SSH2: variants seen among roughly 807,000 people sequenced by gnomAD.
The protein encoded by SSH2 is slingshot protein phosphatase 2.
A neutral mutation model predicts 135.2 loss-of-function variants in SSH2; 37 were observed. The ratio of observed to expected loss-of-function variants is 0.27; its 90% CI spans 0.21 to 0.36. The LOEUF is 0.36. Among genes scored for constraint, SSH2 ranks in the 10% least tolerant of loss-of-function variants. The pLI, the probability that SSH2 is intolerant of heterozygous loss-of-function variation, is 1.00. For synonymous variants in SSH2, 628 were observed against 646.2 expected (o/e 0.97, Z 0.43); for missense variants, 1,408 against 1,765.3 (o/e 0.80, Z 3.63).
chr17:29,632,730 T>C lies in SSH2; in HGVS notation c.2464A>G (p.Thr822Ala), dbSNP rs1482851397. The C allele has an allele frequency of 1.9e-6, 3 of 1,613,948 alleles. No individual in the cohort carries two copies. Among genetic ancestry groups the C allele is most frequent in the Non-Finnish European group, 2.5e-6 (3 of 1,180,004 alleles). The change falls in exon 16 of 16, where the codon ACT becomes GCT. Residue 822 changes from threonine (T) to alanine (A), a missense_variant. This residue lies in a region of SSH2 where 1,080 missense variants were observed against 1,144.5 expected (regional missense o/e 0.94). Transcript: ENST00000540801. ...ATATGTCCAGGTTTGTTCTCTGGAG[T>C]CTGGGCCCTCTCAAGGAGCAGCTCA... ...IHELLLERAQ[T>A]PENKPGHMEQ...
At chr17:29,685,805 C>T (rs1356756965) in intron 5 of SSH2, among the ~76,000 whole-genome samples, 1 of 150,610 alleles carries the variant, frequency 6.6e-6, no homozygotes, top group Non-Finnish European at 1.5e-5. Flanking sequence ...AAAAAAAGCT[C>T]AGTAATGAGT....
chr17:29,643,396 G>A (rs550701998), intron 14 of SSH2: 1 of 386,032 alleles, frequency 2.6e-6, no homozygotes, highest in East Asian at 1.7e-4. Flanking sequence ...TAGATCCAGA[G>A]GATAAATGTG....
At chr17:29,747,104 T>A (rs188317989) in intron 3 of SSH2, among the ~76,000 whole-genome samples, 3 of 152,360 alleles carry the variant, frequency 2.0e-5, no homozygotes, top group East Asian at 3.9e-4. Context: ...CTGGAATTTT[T>A]ATTGTTATTT....
At chr17:29,695,378 G>T in intron 5 of SSH2, 81 bp downstream of exon 5, 1 of 1,032,140 alleles carries the variant, frequency 9.7e-7, no homozygotes, top group Non-Finnish European at 1.5e-6. Flanking sequence ...CACTGTGTTG[G>T]GATGTAAAAA....
chr17:29,761,080 G>A (rs760069032), intron 3 of SSH2: 284 of 1,279,856 alleles, frequency 2.2e-4, no homozygotes, highest in Non-Finnish European at 2.6e-4. Context: ...CAGGATGCTG[G>A]GGAAAGCGGC....
intron 3 of SSH2, among the ~76,000 whole-genome samples, chr17:29,788,643 C>CCTCCCTCT (rs1599001002): frequency 6.7e-6 from 1 of 150,324 alleles, no homozygotes; most frequent in Admixed American, 6.7e-5. Flanking sequence ...TCCCTTCCTC[C>CCTCCCTCT]CTCCCTCTCT....
At chr17:29,796,737 T>C (rs914407457) in intron 2 of SSH2, among the ~76,000 whole-genome samples, 1 of 152,322 alleles carries the variant, frequency 6.6e-6, no homozygotes, top group East Asian at 1.9e-4. Flanking sequence ...AAGTTACTGA[T>C]ATCAGTACAT....
intron 14 of SSH2, among the ~76,000 whole-genome samples, chr17:29,642,353 C>T (rs2036197373): frequency 6.6e-6 from 1 of 152,114 alleles, no homozygotes; most frequent in African/African-American, 2.4e-5. Context: ...ACAGACTCTC[C>T]CTGGTCACCA....
chr17:29,857,985 G>C (rs533043593), intron 1 of SSH2, among the ~76,000 whole-genome samples: 3 of 152,160 alleles, frequency 2.0e-5, no homozygotes, highest in Non-Finnish European at 4.4e-5. Context: ...ATCATACACT[G>C]TTTGTCTTTG....
At chr17:29,642,762 G>A (rs950639860) in intron 14 of SSH2, among the ~76,000 whole-genome samples, 1 of 152,064 alleles carries the variant, frequency 6.6e-6, no homozygotes, top group Non-Finnish European at 1.5e-5. Flanking sequence ...ATTTCAGAGG[G>A]GCTTGGCCCA....
intron 3 of SSH2, among the ~76,000 whole-genome samples, chr17:29,745,324 T>C (rs2151217511): frequency 1.3e-5 from 2 of 152,256 alleles, no homozygotes; most frequent in Middle Eastern, 6.8e-3. Context: ...CACACCCGGC[T>C]AATTTTTGTA....
intron 14 of SSH2, among the ~76,000 whole-genome samples, chr17:29,646,539 G>A (rs752915111): frequency 1.6e-4 from 24 of 151,988 alleles, no homozygotes; most frequent in Non-Finnish European, 3.1e-4. Flanking sequence ...TCACTCTGTC[G>A]CCTAGGCCGG....
intron 1 of SSH2, among the ~76,000 whole-genome samples, chr17:29,908,208 T>C (rs2066692234): frequency 6.6e-6 from 1 of 151,994 alleles, no homozygotes; most frequent in African/African-American, 2.4e-5. Context: ...TGATAGCACT[T>C]TGGGAGGCTG....
intron 1 of SSH2, among the ~76,000 whole-genome samples, chr17:29,892,023 T>A (rs1376567399): frequency 1.3e-5 from 2 of 152,076 alleles, no homozygotes; most frequent in African/African-American, 2.4e-5. Context: ...AATGCACAAA[T>A]GAAGTAATAG....
intron 3 of SSH2, among the ~76,000 whole-genome samples, chr17:29,712,697 G>A (rs1298559002): frequency 6.6e-6 from 1 of 152,234 alleles, no homozygotes; most frequent in African/African-American, 2.4e-5. Flanking sequence ...CCAGCTACTC[G>A]GAAGGCTGAG....
At position 29,782,608 on chromosome 17, in the gene SSH2, C is replaced by T. The variant is rs143873500; in HGVS notation, c.188+11286G>A. 8.3e-3 allele frequency among the ~76,000 whole-genome samples: 1,228 copies of T among 148,098 alleles called. 13 individuals are homozygous for T. Among genetic ancestry groups the T allele is most frequent in the African/African-American group, 0.028 (1,156 of 40,638 alleles). ...TTGTTTTTTGTTTTTTTTTCTGAGA[C>T]GGAGTCTCATTCTGTCGCCCAGGCT... is the stretch of plus-strand genomic sequence containing the variant. On this transcript the variant is annotated intron_variant, in intron 3 of 15. Coordinates refer to ENST00000540801, the MANE Select transcript of SSH2 (RefSeq NM_001282129.2).
At chr17:29,762,084 TTGGCCAGGC>T (rs939454955) in intron 3 of SSH2, among the ~76,000 whole-genome samples, 11 of 152,214 alleles carry the variant, frequency 7.2e-5, no homozygotes, top group South Asian at 2.1e-4. Context: ...TTTCAATGTG[TTGGCCAGGC>T]TGGTCTCAAA....
intron 1 of SSH2, among the ~76,000 whole-genome samples, chr17:29,880,314 ATATGTTGCCTAGGCTGGTCTCAAAC>A (rs558234479): frequency 4.6e-5 from 7 of 152,216 alleles, no homozygotes; most frequent in East Asian, 3.9e-4. Context: ...TAGAGACAAA[ATATGTTGCCTAGGCTGGTCTCAAAC>A]TATGTTGCCT....
chr17:29,745,450 G>A (rs759608876), intron 3 of SSH2, among the ~76,000 whole-genome samples: 1 of 152,258 alleles, frequency 6.6e-6, no homozygotes, highest in Middle Eastern at 3.4e-3. Flanking sequence ...GTGAGCCACC[G>A]CACCCAGCTA....
Sources: allele counts gnomAD v4.1 joint callset (sites outside exome capture counted in the v4.1 genomes callset), GRCh38; gene constraint gnomAD v4.1.1; regional missense constraint gnomAD v4.1.1; transcripts MANE v1.5; gene names NCBI Gene and HGNC (gene_info 2026-07-23, HGNC 2026-07-21).